The following CAMK4 variants were observed in gnomAD, a reference collection of about 807,000 sequenced individuals.
CAMK4 encodes calcium/calmodulin dependent protein kinase IV.
In CAMK4, 22 loss-of-function variants were observed where a neutral mutation model predicts 44.9. That is an observed-to-expected ratio of 0.49 (90% CI 0.35 to 0.70). The LOEUF (loss-of-function observed/expected upper bound fraction) is 0.70. Ranked by LOEUF, CAMK4 falls within the 30% of genes least tolerant of loss-of-function variation. The probability of loss-of-function intolerance (pLI) is 0.01; values close to 1 mark genes in which losing one functional copy is unlikely to be tolerated. For missense variants in CAMK4, 498 were observed against 586.8 expected (o/e 0.85, Z 1.56); for synonymous variants, 218 against 215.4 (o/e 1.01, Z -0.11).
At chr5:111,372,545 GGA>G (rs907477994) in intron 2 of CAMK4, among the ~76,000 whole-genome samples, 19 of 152,092 alleles carry the variant, frequency 1.2e-4, no homozygotes, top group African/African-American at 4.3e-4. Flanking sequence ...CGTGCACAGG[GGA>G]GAGAGAGATT....
At chr5:111,419,142 G>T (rs563372102) in intron 5 of CAMK4, among the ~76,000 whole-genome samples, 5 of 152,266 alleles carry the variant, frequency 3.3e-5, no homozygotes, top group African/African-American at 1.2e-4. Context: ...ATTCTAACTG[G>T]TGTGAGATGG....
chr5:111,382,708 G>C (rs1751463599), intron 4 of CAMK4, among the ~76,000 whole-genome samples: 1 of 152,100 alleles, frequency 6.6e-6, no homozygotes, highest in African/African-American at 2.4e-5. Flanking sequence ...ACTTCCGTTA[G>C]GTCATTCAGC....
intron 1 of CAMK4, among the ~76,000 whole-genome samples, chr5:111,280,536 T>TAAAG (rs1456824857): frequency 6.6e-6 from 1 of 152,222 alleles, no homozygotes; most frequent in Admixed American, 6.5e-5. Context: ...ATGCAGATGA[T>TAAAG]AAAGAACTTG....
chr5:111,481,863 A>G (rs942131399), intron 9 of CAMK4: 2 of 152,254 alleles, frequency 1.3e-5, no homozygotes, highest in African/African-American at 4.8e-5. Context: ...GAGTTTTTAA[A>G]AAGTTATATA....
At chr5:111,309,752 A>G (rs942159381) in intron 1 of CAMK4, among the ~76,000 whole-genome samples, 6 of 152,160 alleles carry the variant, frequency 3.9e-5, no homozygotes, top group Non-Finnish European at 5.9e-5. Context: ...TCTGTTCTCT[A>G]AAACTTTGCT....
chr5:111,262,748 A>G (rs960976282), intron 1 of CAMK4, among the ~76,000 whole-genome samples: 1 of 152,180 alleles, frequency 6.6e-6, no homozygotes, highest in South Asian at 2.1e-4. Context: ...TTATACATAG[A>G]TTGTAATAAT....
chr5:111,254,872 C>G (rs773271669), intron 1 of CAMK4, among the ~76,000 whole-genome samples: 1 of 152,068 alleles, frequency 6.6e-6, no homozygotes, highest in Non-Finnish European at 1.5e-5. Context: ...TCCCTGGGGA[C>G]TTTTGTGGTT....
At chr5:111,360,012 G>A (rs1293228678) in intron 2 of CAMK4, among the ~76,000 whole-genome samples, 2 of 151,956 alleles carry the variant, frequency 1.3e-5, no homozygotes, top group Non-Finnish European at 2.9e-5. Flanking sequence ...GGGAATGTGG[G>A]TGAGTGTCAA....
chr5:111,345,795 G>C (rs1448083210), intron 2 of CAMK4, among the ~76,000 whole-genome samples: 1 of 151,952 alleles, frequency 6.6e-6, no homozygotes, highest in African/African-American at 2.4e-5. Context: ...ACGTATATTC[G>C]TTGGGCAAGT....
chr5:111,245,452 C>T (rs1749192124), intron 1 of CAMK4, among the ~76,000 whole-genome samples: 1 of 152,132 alleles, frequency 6.6e-6, no homozygotes, highest in Non-Finnish European at 1.5e-5. Context: ...TCTAAGCTTG[C>T]ACTGAAAAAT....
intron 1 of CAMK4, among the ~76,000 whole-genome samples, chr5:111,323,227 G>GA (rs1748736622): frequency 6.6e-6 from 1 of 151,922 alleles, no homozygotes; most frequent in East Asian, 1.9e-4. Context: ...AAGATAAAGA[G>GA]AAAATCTTAA....
At chr5:111,439,297 A>T in intron 5 of CAMK4, among the ~76,000 whole-genome samples, 1 of 152,144 alleles carries the variant, frequency 6.6e-6, no homozygotes, top group East Asian at 1.9e-4. Flanking sequence ...AATGCTGGAA[A>T]TTGGGAAGCT....
chr5:111,297,899 C>A (rs1301966718), intron 1 of CAMK4, among the ~76,000 whole-genome samples: 3 of 152,142 alleles, frequency 2.0e-5, no homozygotes, highest in Non-Finnish European at 4.4e-5. Context: ...TACTGTATTT[C>A]ATCAATAATT....
At chr5:111,381,011 T>A (rs306123) in intron 4 of CAMK4, among the ~76,000 whole-genome samples, 1 of 152,074 alleles carries the variant, frequency 6.6e-6, no homozygotes, top group African/African-American at 2.4e-5. Flanking sequence ...ACCCTCAATG[T>A]CAACTTCTGT....
At chr5:111,421,077 C>T (rs1251861999) in intron 5 of CAMK4, among the ~76,000 whole-genome samples, 1 of 152,214 alleles carries the variant, frequency 6.6e-6, no homozygotes, top group African/African-American at 2.4e-5. Context: ...GCAGTAAAGA[C>T]AGCCATAAGA....
At chr5:111,432,821 T>C (rs1444423648) in intron 5 of CAMK4, among the ~76,000 whole-genome samples, 2 of 152,044 alleles carry the variant, frequency 1.3e-5, no homozygotes, top group African/African-American at 4.8e-5. Flanking sequence ...TTCCAGTCAT[T>C]CATTCACTCC....
chr5:111,445,581 C>A (rs987037411), intron 5 of CAMK4, among the ~76,000 whole-genome samples: 3 of 152,070 alleles, frequency 2.0e-5, no homozygotes, highest in Non-Finnish European at 4.4e-5. Context: ...AGGCATGCAC[C>A]ACCATCCCTG....
At chr5:111,434,014 T>TGGCC (rs1417821656) in intron 5 of CAMK4, among the ~76,000 whole-genome samples, 20 of 152,144 alleles carry the variant, frequency 1.3e-4, no homozygotes, top group Admixed American at 4.6e-4. Context: ...GTAATAGTGC[T>TGGCC]GGCCTTGCGC....
intron 1 of CAMK4, among the ~76,000 whole-genome samples, chr5:111,301,608 T>C (rs996761919): frequency 3.3e-5 from 5 of 152,176 alleles, no homozygotes; most frequent in African/African-American, 1.2e-4. Flanking sequence ...ATAACTCTCA[T>C]AGGGGTACCA....
Sources: allele counts gnomAD v4.1 joint callset (sites outside exome capture counted in the v4.1 genomes callset), GRCh38; gene constraint gnomAD v4.1.1; transcripts MANE v1.5; gene names NCBI Gene and HGNC (gene_info 2026-07-23, HGNC 2026-07-21).